MTMR12: variants seen among roughly 807,000 people sequenced by gnomAD.
The protein encoded by MTMR12 is myotubularin-related protein 12.
MTMR12 carries 33 observed loss-of-function variants against 96.7 expected under a neutral mutation model. The observed-to-expected ratio is 0.34, with a 90% CI of 0.26 to 0.46. The LOEUF (loss-of-function observed/expected upper bound fraction) is 0.46, where lower values mean the gene tolerates loss of function less well. Ranked by LOEUF, MTMR12 falls within the 20% of genes least tolerant of loss-of-function variation. The pLI is 1.00. For missense variants in MTMR12, 721 were observed against 896.1 expected (o/e 0.80, Z 2.49); for synonymous variants, 298 against 327.2 (o/e 0.91, Z 0.96).
At chr5:32,288,075 C>G (rs1478995275) in intron 1 of MTMR12, among the ~76,000 whole-genome samples, 6 of 152,146 alleles carry the variant, frequency 3.9e-5, no homozygotes, top group Non-Finnish European at 8.8e-5. Flanking sequence ...AAAACAGATA[C>G]AAGCTCTTAT....
Position 32,297,428 on chromosome 5 carries a change from G to A in MTMR12, c.81+15330C>T, listed in dbSNP as rs574837409. 5.3e-5 allele frequency among the ~76,000 whole-genome samples: 8 copies of A among 152,130 alleles called. No individual in the cohort carries two copies. In the South Asian group the frequency reaches 1.5e-3, roughly 28 times the overall value. The stretch of plus-strand genomic sequence containing the variant: ...TCTTTCAGTTGTAACAAGTCTCCAG[G>A]GCAGGGGAACAGGCAATGACCTTGG... On this transcript the variant is annotated intron_variant, in intron 1 of 15. Coordinates refer to ENST00000382142, the MANE Select transcript of MTMR12 (RefSeq NM_001040446.3).
chr5:32,235,387 C>T (rs61241561), intron 13 of MTMR12, among the ~76,000 whole-genome samples: 56,708 of 152,150 alleles, frequency 0.37, 10,791 homozygotes, highest in East Asian at 0.5. Context: ...ATCAGTGTTA[C>T]AGATGAGCAT....
intron 12 of MTMR12, among the ~76,000 whole-genome samples, chr5:32,241,585 T>C (rs1748478540): frequency 6.6e-6 from 1 of 152,230 alleles, no homozygotes; most frequent in Non-Finnish European, 1.5e-5. Context: ...ACATTCTGAA[T>C]GTTTGCATCA....
At position 32,312,939 on chromosome 5, in the gene MTMR12, C is replaced by T; in HGVS notation, c.-101G>A. On this transcript the variant is annotated 5_prime_UTR_variant, in exon 1 of 16. Transcript: ENST00000382142. The surrounding 1 kb of genome is among the most constrained non-coding windows in gnomAD (Gnocchi z 5.0). ...CCACCAGCACTAGCGGCTGGGGCTCCGCCCATCCCCAAGGCCGCGACCGCC... is the reference window on the plus strand; with the variant it reads ...CCACCAGCACTAGCGGCTGGGGCTCTGCCCATCCCCAAGGCCGCGACCGCC... 8.9e-7 allele frequency: 1 copy of T among 1,129,378 alleles called. No individual in the cohort carries two copies. The highest frequency in any genetic ancestry group is 1.2e-6 in the Non-Finnish European group (1 of 858,132). 70.0% of individuals were successfully genotyped at this position (1,129,378 alleles called of 1,614,324 possible).
chr5:32,293,130 CAGG>C (rs1750799075), intron 1 of MTMR12, among the ~76,000 whole-genome samples: 1 of 152,070 alleles, frequency 6.6e-6, no homozygotes, highest in Non-Finnish European at 1.5e-5. Context: ...TGTGTGATCT[CAGG>C]AGATGTGTAT....
intron 14 of MTMR12, 126 bp downstream of exon 14, chr5:32,234,836 A>T (rs1201908213): frequency 2.3e-6 from 2 of 859,206 alleles, no homozygotes; most frequent in Non-Finnish European, 3.6e-6. Context: ...TCTCTGTATT[A>T]TTCCAACTTT....
chr5:32,266,781 T>G (rs1253018761), intron 6 of MTMR12, among the ~76,000 whole-genome samples: 1 of 151,224 alleles, frequency 6.6e-6, no homozygotes, highest in African/African-American at 2.4e-5. Flanking sequence ...CAGCTTCATG[T>G]TAAGAGTAAT....
At chr5:32,242,746 C>T (rs914965215) in intron 11 of MTMR12, among the ~76,000 whole-genome samples, 3 of 151,920 alleles carry the variant, frequency 2.0e-5, no homozygotes, top group Admixed American at 2.0e-4. Flanking sequence ...GCCCACCCCA[C>T]ACAAAGAAGG....
At chr5:32,276,155 T>C (rs1356189312) in intron 2 of MTMR12, among the ~76,000 whole-genome samples, 1 of 152,260 alleles carries the variant, frequency 6.6e-6, no homozygotes, top group Non-Finnish European at 1.5e-5. Context: ...CACTGTCCTC[T>C]ACCTCAAAAA....
At chr5:32,299,384 T>C (rs1751046557) in intron 1 of MTMR12, among the ~76,000 whole-genome samples, 1 of 152,184 alleles carries the variant, frequency 6.6e-6, no homozygotes, top group South Asian at 2.1e-4. Context: ...GTAAAGATTG[T>C]TGTGCTGGGA....
intron 1 of MTMR12, among the ~76,000 whole-genome samples, chr5:32,287,054 T>C (rs1478397123): frequency 2.0e-5 from 3 of 152,202 alleles, no homozygotes; most frequent in African/African-American, 7.2e-5. Context: ...TTAGAAACAC[T>C]GAACTGCATT....
Position 32,227,790 on chromosome 5 carries a change from A to G in MTMR12, c.*1988T>C, listed in dbSNP as rs1048687497. On this transcript the variant is annotated 3_prime_UTR_variant, in exon 16 of 16. Coordinates refer to ENST00000382142, the MANE Select transcript of MTMR12 (RefSeq NM_001040446.3). ...TTAAAATCCCTATTGCAAGCCTAAC[A>G]CTGACCTCGCTAGTAACTCTTAAGG... 3.9e-5 allele frequency: 6 copies of G among 152,662 alleles called. No homozygotes were observed. The highest frequency in any genetic ancestry group is 1.4e-4 in the African/African-American group (6 of 41,448). The allele number at this position is 152,662 out of a possible 1,614,324, so 9.5% of individuals were successfully genotyped here. A position where few individuals can be genotyped will look rare whatever the true frequency, so the allele number is the denominator to read the frequency against.
At chr5:32,260,619 AAG>A (rs1749327540) in intron 7 of MTMR12, among the ~76,000 whole-genome samples, 1 of 151,380 alleles carries the variant, frequency 6.6e-6, no homozygotes, top group Non-Finnish European at 1.5e-5. Flanking sequence ...AAAACCAGGA[AAG>A]AGAAAAGAAC....
intron 14 of MTMR12, 108 bp downstream of exon 14, chr5:32,234,854 G>A (rs562147201): frequency 8.4e-6 from 9 of 1,072,416 alleles, no homozygotes; most frequent in Non-Finnish European, 1.2e-5. Flanking sequence ...TTTGTTTAGT[G>A]TATGTGCTGC....
intron 4 of MTMR12, among the ~76,000 whole-genome samples, chr5:32,271,417 C>T (rs1354029676): frequency 1.3e-5 from 2 of 152,110 alleles, no homozygotes; most frequent in South Asian, 2.1e-4. Flanking sequence ...GAAGATGCCC[C>T]GAATACAAAA....
intron 2 of MTMR12, 115 bp from the exon 3 acceptor site, chr5:32,274,237 G>C (rs1749962192): frequency 2.4e-6 from 3 of 1,239,064 alleles, no homozygotes; most frequent in South Asian, 3.0e-5. Context: ...ACAACACAGG[G>C]CTTTAGAACT....
intron 12 of MTMR12, among the ~76,000 whole-genome samples, chr5:32,241,770 T>C (rs1053227819): frequency 5.3e-5 from 8 of 152,240 alleles, no homozygotes; most frequent in African/African-American, 1.7e-4. Flanking sequence ...GCTCAGTTAA[T>C]ATAAAACAAA....
At chr5:32,235,155 T>C (rs775831617) in intron 13 of MTMR12, 26 bp from the exon 14 acceptor site, 2 of 1,599,410 alleles carry the variant, frequency 1.3e-6, no homozygotes, top group South Asian at 1.1e-5. Context: ...ATACGTTACT[T>C]GGTGGGCAGA....
intron 8 of MTMR12, 48 bp from the exon 9 acceptor site, chr5:32,248,926 C>G (rs771384660): frequency 2.1e-6 from 3 of 1,406,012 alleles, no homozygotes; most frequent in East Asian, 2.3e-5. Flanking sequence ...CACAACCCAA[C>G]AGGGGACACA....
Sources: allele counts gnomAD v4.1 joint callset (sites outside exome capture counted in the v4.1 genomes callset), GRCh38; gene constraint gnomAD v4.1.1; non-coding constraint Gnocchi (gnomAD v3.1); transcripts MANE v1.5; gene names NCBI Gene and HGNC (gene_info 2026-07-23, HGNC 2026-07-21).